Variants in C1orf167 observed in about 807,000 individuals in gnomAD.
The protein encoded by C1orf167 is uncharacterized protein C1orf167.
A neutral mutation model predicts 176.5 loss-of-function variants in C1orf167; 153 were observed. The observed-to-expected ratio is 0.87, with a 90% CI of 0.76 to 0.99. C1orf167 has a LOEUF of 0.99. C1orf167 is among the 50% of genes least tolerant of loss of function. The pLI is 0.00. For missense variants in C1orf167, 1,490 were observed against 1,817.7 expected, an observed-to-expected ratio of 0.82 and a Z score of 3.28; for synonymous variants, 594 against 752.7, an observed-to-expected ratio of 0.79 and a Z score of 3.45.
At chr1:11,781,865 G>A (rs139348312) in intron 13 of C1orf167, among the ~76,000 whole-genome samples, 16,858 of 151,258 alleles carry the variant, frequency 0.11, 1,029 homozygotes, top group South Asian at 0.19. Context: ...AGCTGAGATT[G>A]GGCCACTGCA....
At chr1:11,787,209 G>A (rs1202785456) in intron 16 of C1orf167, 179 bp from the exon 17 acceptor site, 24 of 259,362 alleles carry the variant, frequency 9.3e-5, no homozygotes, top group Non-Finnish European at 6.3e-5. Context: ...TCCGGGAACT[G>A]ACTGAGGGCT....
Position 11,768,936 on chromosome 1 carries a change from A to G in C1orf167, c.1543-37A>G. The G allele has an allele frequency of 1.0e-6, 1 of 985,920 alleles. No individual in the cohort carries two copies. The highest frequency in any genetic ancestry group is 1.2e-6 in the Non-Finnish European group (1 of 829,956). The allele number at this position is 985,920 out of a possible 1,614,324, so 61.1% of individuals were successfully genotyped here. The stretch of plus-strand genomic sequence containing the variant: ...GGTGTTCCCTTGGGAGGCAGATTCA[A>G]GGCCAACATCTCCTTTCCCCTTCTC... On this transcript the variant is annotated intron_variant, in intron 5 of 20. Coordinates refer to ENST00000688073, the MANE Select transcript of C1orf167 (RefSeq NM_001010881.2). The surrounding 1 kb of genome is among the most constrained non-coding windows in gnomAD (Gnocchi z 4.5).
Position 11,764,462 on chromosome 1 carries a change from C to T in C1orf167, c.62C>T (p.Pro21Leu), listed in dbSNP as rs943502830. The T allele has an allele frequency of 5.4e-6, 7 of 1,289,294 alleles. No individual in the cohort carries two copies. The highest frequency in any genetic ancestry group is 2.3e-5 in the Admixed American group (1 of 43,552). 79.9% of individuals were successfully genotyped at this position (1,289,294 alleles called of 1,614,324 possible). A position where few individuals can be genotyped will look rare whatever the true frequency, so the allele number is the denominator to read the frequency against. The part of the protein sequence containing the change: ...ENVSPKPAAL[P>L]KPEQRRFRRS... The stretch of plus-strand genomic sequence containing the variant: ...GTGTCCCCAAAGCCTGCAGCGCTCC[C>T]GAAGCCAGGCAAGAGGCTTAGTGGG... The change falls in exon 2 of 21, where the codon CCG becomes CTG. Residue 21 changes from proline (P) to leucine (L), a missense_variant. Pro to Leu is a moderately conservative substitution (Grantham distance 98). Transcript: ENST00000688073.
chr1:11,787,930 A>G lies in C1orf167; in HGVS notation c.3731A>G (p.Gln1244Arg), dbSNP rs1188928167. The stretch of plus-strand genomic sequence containing the variant: ...CAGCTCTGGCCACAGTGGCCTGGAC[A>G]GAGTAGCTGGGTCCCAGGCCTGCCC... ...AFQLWPQWPG[Q>R]SSWVPGLPLW... is the part of the protein sequence containing the mutation. Residue 1244 changes from glutamine to arginine, a missense_variant, in exon 18 of 21, where the codon CAG becomes CGG. Transcript: ENST00000688073. 7.7e-6 allele frequency: 10 copies of G among 1,302,968 alleles called. No individual in the cohort carries two copies. Among genetic ancestry groups the G allele is most frequent in the Non-Finnish European group, 9.1e-6 (9 of 988,244 alleles). The allele number at this position is 1,302,968 out of a possible 1,614,324, so 80.7% of individuals were successfully genotyped here. A position where few individuals can be genotyped will look rare whatever the true frequency, so the allele number is the denominator to read the frequency against.
intron 14 of C1orf167, among the ~76,000 whole-genome samples, chr1:11,783,546 C>T (rs1205469370): frequency 6.6e-6 from 1 of 152,022 alleles, no homozygotes; most frequent in Non-Finnish European, 1.5e-5. Context: ...TGTGCCTGGC[C>T]GTAGATGGTT....
Position 11,764,474 on chromosome 1 carries a change from A to G in C1orf167, c.70+4A>G. On this transcript the variant is annotated splice_donor_region_variant and intron_variant, in intron 2 of 20. Coordinates refer to ENST00000688073, the MANE Select transcript of C1orf167 (RefSeq NM_001010881.2). ...CCTGCAGCGCTCCCGAAGCCAGGCA[A>G]GAGGCTTAGTGGGCCTGGATGGGCA... The G allele has an allele frequency of 7.8e-7, 1 of 1,289,340 alleles. No homozygotes were observed. The highest frequency in any genetic ancestry group is 1.0e-6 in the Non-Finnish European group (1 of 988,788). The allele number at this position is 1,289,340 out of a possible 1,614,324, so 79.9% of individuals were successfully genotyped here.
intron 9 of C1orf167, 129 bp from the exon 10 acceptor site, chr1:11,776,335 C>A: frequency 2.5e-6 from 2 of 808,540 alleles, no homozygotes; most frequent in African/African-American, 1.9e-5. Context: ...GAGGGGAGGG[C>A]TTGGAAGCGG....
At chr1:11,780,517 G>A (rs1643546023) in intron 13 of C1orf167, among the ~76,000 whole-genome samples, 1 of 152,178 alleles carries the variant, frequency 6.6e-6, no homozygotes, top group Admixed American at 6.5e-5. Flanking sequence ...GTAGTCTTGA[G>A]TTTGAATCCC....
chr1:11,766,583 T>A lies in C1orf167; in HGVS notation c.797T>A (p.Val266Glu), dbSNP rs1429646184. Residue 266 changes from valine (V) to glutamate (E), a missense_variant, in exon 3 of 21, where the codon GTG (valine) becomes GAG (glutamate). Val to Glu is a moderately radical substitution (Grantham distance 121, BLOSUM62 -2). Transcript: ENST00000688073. The surrounding 1 kb of genome is among the most constrained non-coding windows in gnomAD (Gnocchi z 4.5). Reference sequence around the variant, plus strand: ...GCTCCCCAGGAACCCCCCGGTGCTGTGCAGCAGGACCTCTGGACCGGCGGC... The same window carrying A: ...GCTCCCCAGGAACCCCCCGGTGCTGAGCAGCAGGACCTCTGGACCGGCGGC... ...CQAPQEPPGAVQQDLWTGGGQ... is the reference protein window; with the variant it reads ...CQAPQEPPGAEQQDLWTGGGQ... 2 of 1,267,058 alleles carry A rather than the reference T, an allele frequency of 1.6e-6. No individual in the cohort carries two copies. Among genetic ancestry groups the A allele is most frequent in the African/African-American group, 3.1e-5 (2 of 65,552 alleles). The allele number at this position is 1,267,058 out of a possible 1,614,324, so 78.5% of individuals were successfully genotyped here.
rs1476147480 is a variant in C1orf167, at chr1:11,775,476, G to A, written c.2030G>A (p.Arg677Gln). The A allele has an allele frequency of 7.7e-6, 10 of 1,303,980 alleles. No individual in the cohort carries two copies. The highest frequency in any genetic ancestry group is 2.1e-4 in the Middle Eastern group (1 of 4,682). The allele number at this position is 1,303,980 out of a possible 1,614,324, so 80.8% of individuals were successfully genotyped here. ...CAGCAGTTCGTGCAAAGAGGGTCCC[G>A]GTACCGAGACCACCTGGCTGACCGC... The part of the protein sequence containing the change: ...AWQQFVQRGS[R>Q]YRDHLADRRT... Residue 677 changes from arginine to glutamine, a missense_variant, in exon 9 of 21, where the codon CGG becomes CAG. Physicochemically the swap from Arg to Gln is conservative, Grantham distance 43. Transcript: ENST00000688073.
In C1orf167 at chr1:11,768,148, C is replaced by T. The variant is rs754232751; in HGVS notation, c.1415C>T (p.Ala472Val). Residue 472 changes from alanine to valine, a missense_variant, in exon 5 of 21, where the codon GCG becomes GTG. Ala to Val is a moderately conservative substitution (Grantham distance 64). Coordinates refer to ENST00000688073, the MANE Select transcript of C1orf167 (RefSeq NM_001010881.2). This position sits in a 1 kb window ranked among gnomAD's most constrained non-coding sequence, Gnocchi z 4.5. ...LVKRQREPAA[A>V]AVALGRWQLL... ...AAGAGGCAGCGGGAGCCAGCGGCGG[C>T]GGCAGTGGCACTGGGCCGCTGGCAG... 6 of 1,287,852 alleles carry T rather than the reference C, an allele frequency of 4.7e-6. No homozygotes were observed. Among genetic ancestry groups the T allele is most frequent in the South Asian group, 2.5e-5 (2 of 80,942 alleles). The allele number at this position is 1,287,852 out of a possible 1,614,324, so 79.8% of individuals were successfully genotyped here.
At chr1:11,771,730 A>T in intron 7 of C1orf167, 94 bp downstream of exon 7, 1 of 781,016 alleles carries the variant, frequency 1.3e-6, no homozygotes. Context: ...CCCTGGGCGA[A>T]TGAATGTTTA....
intron 1 of C1orf167, among the ~76,000 whole-genome samples, chr1:11,763,488 T>C (rs1048666673): frequency 6.6e-6 from 1 of 151,286 alleles, no homozygotes; most frequent in Non-Finnish European, 1.5e-5. Flanking sequence ...ATCTTGCAGC[T>C]ATTGAGCTCT....
At position 11,782,918 on chromosome 1, in the gene C1orf167, C is replaced by CA. The variant is rs70983597; in HGVS notation, c.3005+603dup. ...TGGGCGACAGTGCGAGACTCCATCT[C>CA]AAAAAAAAAAAAAAAAAAGGAGGAG... On this transcript the variant is annotated intron_variant, in intron 14 of 20. Transcript: ENST00000688073. Among the ~76,000 whole-genome samples, 347 of 104,896 alleles carry CA rather than the reference C, an allele frequency of 3.3e-3. 6 individuals are homozygous for CA. The highest frequency in any genetic ancestry group is 0.01 in the African/African-American group (268 of 26,516). 68.8% of individuals were successfully genotyped at this position (104,896 alleles called of 152,430 possible).
chr1:11,763,172 G>A (rs1373987541), intron 1 of C1orf167, among the ~76,000 whole-genome samples: 1 of 152,228 alleles, frequency 6.6e-6, no homozygotes, highest in Non-Finnish European at 1.5e-5. Context: ...GGGTGTGGTG[G>A]CTCACGCCTG....
At position 11,764,326 on chromosome 1, in the gene C1orf167, C is replaced by T. The variant is rs1209323508; in HGVS notation, c.-70-5C>T. The stretch of plus-strand genomic sequence containing the variant: ...GAGCCAGGGCAACCTGTCCTCTCCC[C>T]GCAGGGCCCATCTGATTAAACAGAC... On this transcript the variant is annotated splice_polypyrimidine_tract_variant and splice_region_variant and intron_variant, in intron 1 of 20. Coordinates refer to ENST00000688073, the MANE Select transcript of C1orf167 (RefSeq NM_001010881.2). The T allele has an allele frequency of 7.6e-6, 9 of 1,181,622 alleles. No individual in the cohort carries two copies. The highest frequency in any genetic ancestry group is 2.3e-5 in the Admixed American group (1 of 43,358). 73.2% of individuals were successfully genotyped at this position (1,181,622 alleles called of 1,614,324 possible). A position where few individuals can be genotyped will look rare whatever the true frequency, so the allele number is the denominator to read the frequency against.
Position 11,762,209 on chromosome 1 carries a change from C to A in C1orf167, c.-167C>A. On this transcript the variant is annotated 5_prime_UTR_variant, in exon 1 of 21. Coordinates refer to ENST00000688073, the MANE Select transcript of C1orf167 (RefSeq NM_001010881.2). ...CTGCTCTCCGACGTCCCCTCCCGCCCGCGACCTGCCGACCTGCGGGGATCG... is the reference window on the plus strand; with the variant it reads ...CTGCTCTCCGACGTCCCCTCCCGCCAGCGACCTGCCGACCTGCGGGGATCG... 2.2e-6 allele frequency: 1 copy of A among 447,656 alleles called. No individual in the cohort carries two copies. The highest frequency in any genetic ancestry group is 4.5e-6 in the Non-Finnish European group (1 of 220,504). 27.7% of individuals were successfully genotyped at this position (447,656 alleles called of 1,614,324 possible).
intron 9 of C1orf167, 123 bp downstream of exon 9, chr1:11,775,733 GC>G: frequency 1.7e-6 from 2 of 1,161,076 alleles, no homozygotes; most frequent in Non-Finnish European, 2.2e-6. Flanking sequence ...TAGGAGGGCA[GC>G]CTGTAGGCCT....
chr1:11,789,414 G>A lies in C1orf167; in HGVS notation c.4318G>A (p.Gly1440Arg), dbSNP rs1644017157. The A allele has an allele frequency of 7.7e-7, 1 of 1,303,822 alleles. No individual in the cohort carries two copies. Among genetic ancestry groups the A allele is most frequent in the Non-Finnish European group, 1.0e-6 (1 of 988,654 alleles). 80.8% of individuals were successfully genotyped at this position (1,303,822 alleles called of 1,614,324 possible). Residue 1440 changes from glycine to arginine, a missense_variant, in exon 21 of 21, where the codon GGG becomes AGG. Transcript: ENST00000688073. ...AARAPRGWGLGAEHGAQLQL is the reference protein window; with the variant it reads ...AARAPRGWGLRAEHGAQLQL The stretch of plus-strand genomic sequence containing the variant: ...CAGAGCACCGCGGGGTTGGGGGCTT[G>A]GGGCAGAGCATGGGGCCCAGCTGCA...
Sources: allele counts gnomAD v4.1 joint callset (sites outside exome capture counted in the v4.1 genomes callset), GRCh38; gene constraint gnomAD v4.1.1; non-coding constraint Gnocchi (gnomAD v3.1); transcripts MANE v1.5; gene names NCBI Gene and HGNC (gene_info 2026-07-23, HGNC 2026-07-21).